PRMT8: variants seen among roughly 807,000 people sequenced by gnomAD.
The protein encoded by PRMT8 is protein arginine N-methyltransferase 8.
PRMT8 carries 7 observed loss-of-function variants against 47.1 expected under a neutral mutation model. That is an observed-to-expected ratio of 0.15 (90% CI 0.08 to 0.28). The LOEUF (loss-of-function observed/expected upper bound fraction) is 0.28, where lower values mean the gene tolerates loss of function less well. PRMT8 is among the 10% of genes least tolerant of loss of function. PRMT8 has a pLI of 1.00. For synonymous variants in PRMT8, 188 were observed against 186.5 expected (o/e 1.01, Z -0.07); for missense variants, 237 against 505.4 (o/e 0.47, Z 5.09).
At chr12:3,588,812 G>A (rs1406615332) in intron 8 of PRMT8, among the ~76,000 whole-genome samples, 1 of 152,248 alleles carries the variant, frequency 6.6e-6, no homozygotes, top group African/African-American at 2.4e-5. Flanking sequence ...AGAATGCTAA[G>A]AGCAGGGAGG....
chr12:3,425,923 C>G (rs1864599294), intron 1 of PRMT8, among the ~76,000 whole-genome samples: 1 of 152,260 alleles, frequency 6.6e-6, no homozygotes, highest in African/African-American at 2.4e-5. Context: ...AATTCTTAAG[C>G]TCACTGCATC....
chr12:3,454,516 G>A (rs532645842), intron 1 of PRMT8, among the ~76,000 whole-genome samples: 2 of 152,258 alleles, frequency 1.3e-5, no homozygotes, highest in South Asian at 4.2e-4. Context: ...AAAGAAGCCC[G>A]TCATGCCCAG....
intron 1 of PRMT8, among the ~76,000 whole-genome samples, chr12:3,429,306 T>A (rs1864647470): frequency 6.6e-6 from 1 of 151,666 alleles, no homozygotes; most frequent in South Asian, 2.1e-4. Context: ...GGCCAGCCTA[T>A]TTCACACAAA....
At chr12:3,573,581 A>G (rs1429413477) in intron 6 of PRMT8, among the ~76,000 whole-genome samples, 4 of 152,252 alleles carry the variant, frequency 2.6e-5, no homozygotes, top group African/African-American at 9.6e-5. Flanking sequence ...AAGGACCAGT[A>G]GAGACAGGTG....
chr12:3,483,184 C>T (rs1211846819), intron 1 of PRMT8, among the ~76,000 whole-genome samples: 3 of 152,196 alleles, frequency 2.0e-5, no homozygotes, highest in African/African-American at 7.2e-5. Flanking sequence ...CAGCACAGCA[C>T]CCGGTCCGCA....
rs1866868311 is a variant in PRMT8 at position 3,572,646 on chromosome 12, G to A, written c.712+3082G>A. Among the ~76,000 whole-genome samples, 1 of 152,182 alleles carries A rather than the reference G, an allele frequency of 6.6e-6. No homozygotes were observed. Among genetic ancestry groups the A allele is most frequent in the Admixed American group, 6.5e-5 (1 of 15,284 alleles). On this transcript the variant is annotated intron_variant, in intron 6 of 9. Transcript: ENST00000382622. The surrounding 1 kb of genome is among the most constrained non-coding windows in gnomAD (Gnocchi z 5.9). ...TCTGGTTCCAGCCCATTTTATGCAA[G>A]GATTCCACTTTCTTCATGAGAGCCT...
rs1320508182 is a variant in PRMT8, at chr12:3,458,179, G to A, written c.48+76737G>A. Among the ~76,000 whole-genome samples the A allele has an allele frequency of 6.6e-5, 10 of 152,292 alleles. No homozygotes were observed. The East Asian group carries it at 7.7e-4, about 12-fold the overall frequency. On this transcript the variant is annotated intron_variant, in intron 1 of 9. Transcript: ENST00000452611. ...CCCGCTATTCAGCAGTGTTTTAATC[G>A]TGTATCCTCCAACTTACTGGGGCGT... is the stretch of plus-strand genomic sequence containing the variant.
intron 1 of PRMT8, among the ~76,000 whole-genome samples, chr12:3,438,433 G>C (rs1175742435): frequency 6.6e-6 from 1 of 152,232 alleles, no homozygotes; most frequent in East Asian, 1.9e-4. Flanking sequence ...CCAGGGCAGA[G>C]TGTTCTTCTC....
At chr12:3,533,630 C>T (rs1033111158) in intron 1 of PRMT8, among the ~76,000 whole-genome samples, 6 of 152,304 alleles carry the variant, frequency 3.9e-5, no homozygotes, top group South Asian at 2.1e-4. Flanking sequence ...AGCTACCTAC[C>T]CTAGCACAGT....
At chr12:3,454,868 A>T (rs1202164044) in intron 1 of PRMT8, among the ~76,000 whole-genome samples, 5 of 152,214 alleles carry the variant, frequency 3.3e-5, no homozygotes, top group Non-Finnish European at 5.9e-5. Context: ...CGAAATGTTA[A>T]GTCTTCCCTT....
rs1473114486 is a variant in PRMT8 at position 3,409,550 on chromosome 12, G to C, written c.48+28108G>C. ...CAATGACTCTATTCATCGAGGAGGT[G>C]GGGTGCTTCAGCAGCTCCGAATCTG... On this transcript the variant is annotated intron_variant, in intron 1 of 9. Coordinates refer to the PRMT8 transcript ENST00000452611. This position sits in a 1 kb window ranked among gnomAD's most constrained non-coding sequence, Gnocchi z 4.4. 6.7e-6 allele frequency among the ~76,000 whole-genome samples: 1 copy of C among 148,322 alleles called. No homozygotes were observed. The highest frequency in any genetic ancestry group is 2.1e-4 in the South Asian group (1 of 4,684).
At chr12:3,396,881 G>GTC (rs2137048466) in intron 1 of PRMT8, among the ~76,000 whole-genome samples, 1 of 151,876 alleles carries the variant, frequency 6.6e-6, no homozygotes, top group East Asian at 1.9e-4. Context: ...TTTTCACATA[G>GTC]TCCCATATTT....
At chr12:3,563,406 G>A (rs542277475) in intron 4 of PRMT8, among the ~76,000 whole-genome samples, 75 of 152,076 alleles carry the variant, frequency 4.9e-4, no homozygotes, top group Non-Finnish European at 8.2e-4. Flanking sequence ...TATTGTGGAA[G>A]CGACCACCCT....
At chr12:3,562,844 T>C (rs1461787554) in intron 4 of PRMT8, among the ~76,000 whole-genome samples, 1 of 152,088 alleles carries the variant, frequency 6.6e-6, no homozygotes, top group African/African-American at 2.4e-5. Flanking sequence ...TGGGAGATAC[T>C]TTCTGTCCCA....
At chr12:3,577,059 G>C in intron 7 of PRMT8, 73 bp downstream of exon 7, 3 of 1,266,648 alleles carry the variant, frequency 2.4e-6, no homozygotes. Flanking sequence ...TCCAGGCAAT[G>C]CCGGCTCCTG....
At chr12:3,454,532 G>A (rs1235903121) in intron 1 of PRMT8, among the ~76,000 whole-genome samples, 2 of 152,188 alleles carry the variant, frequency 1.3e-5, no homozygotes, top group Non-Finnish European at 2.9e-5. Flanking sequence ...CCCAGCCCTG[G>A]AGGAGAGAGG....
Position 3,538,099 on chromosome 12 carries a change from C to T in PRMT8, c.76-2507C>T, listed in dbSNP as rs1329219924. 1.3e-5 allele frequency: 2 copies of T among 152,514 alleles called. No individual in the cohort carries two copies. The highest frequency in any genetic ancestry group is 4.8e-5 in the African/African-American group (2 of 41,444). The allele number at this position is 152,514 out of a possible 1,614,324, so 9.4% of individuals were successfully genotyped here. A position where few individuals can be genotyped will look rare whatever the true frequency, so the allele number is the denominator to read the frequency against. ...CCCAAACAAACTCACTGCTCTCCCG[C>T]CTTTTGGTTGCTCAAGCCGTCTCTT... is the stretch of plus-strand genomic sequence containing the variant. On this transcript the variant is annotated intron_variant, in intron 1 of 9. Coordinates refer to ENST00000382622, the MANE Select transcript of PRMT8 (RefSeq NM_019854.5). This position sits in a 1 kb window ranked among gnomAD's most constrained non-coding sequence, Gnocchi z 4.6.
intron 1 of PRMT8, among the ~76,000 whole-genome samples, chr12:3,422,614 C>T (rs972857954): frequency 1.3e-5 from 2 of 152,088 alleles, no homozygotes; most frequent in South Asian, 2.1e-4. Flanking sequence ...CAGGACGGAA[C>T]AGAACAGAAC....
intron 1 of PRMT8, among the ~76,000 whole-genome samples, chr12:3,427,760 C>T (rs1204299842): frequency 6.6e-6 from 1 of 151,986 alleles, no homozygotes; most frequent in Non-Finnish European, 1.5e-5. Flanking sequence ...ATATTTTAAA[C>T]AACTAGTTAA....
Sources: allele counts gnomAD v4.1 joint callset (sites outside exome capture counted in the v4.1 genomes callset), GRCh38; gene constraint gnomAD v4.1.1; non-coding constraint Gnocchi (gnomAD v3.1); transcripts MANE v1.5; gene names NCBI Gene and HGNC (gene_info 2026-07-23, HGNC 2026-07-21).